GRM3: variants seen among roughly 807,000 people sequenced by gnomAD.
GRM3 encodes the protein glutamate metabotropic receptor 3.
GRM3 carries 26 observed loss-of-function variants against 70.5 expected under a neutral mutation model. The ratio of observed to expected loss-of-function variants is 0.37; its 90% CI spans 0.27 to 0.51. GRM3 has a LOEUF of 0.51. GRM3 is among the 20% of genes least tolerant of loss of function. GRM3 has a pLI of 0.93. For missense variants in GRM3, 859 were observed against 1,123.8 expected (o/e 0.76, Z 3.37); for synonymous variants, 443 against 434.9 (o/e 1.02, Z -0.23).
At chr7:86,833,699 T>G (rs1798401398) in intron 3 of GRM3, among the ~76,000 whole-genome samples, 1 of 152,230 alleles carries the variant, frequency 6.6e-6, no homozygotes, top group African/African-American at 2.4e-5. Flanking sequence ...GTGGAATATT[T>G]GACATATGTG....
chr7:86,652,087 T>TA (rs1305648196), intron 1 of GRM3, among the ~76,000 whole-genome samples: 2 of 152,324 alleles, frequency 1.3e-5, no homozygotes, highest in East Asian at 3.9e-4. Flanking sequence ...CGACCTTGTC[T>TA]AAGACAAGCC....
At chr7:86,691,934 T>C (rs1292225677) in intron 1 of GRM3, among the ~76,000 whole-genome samples, 3 of 152,168 alleles carry the variant, frequency 2.0e-5, no homozygotes, top group Non-Finnish European at 4.4e-5. Context: ...AGAGACAAAC[T>C]GATTAATGTC....
At chr7:86,730,800 G>C (rs1024635200) in intron 1 of GRM3, among the ~76,000 whole-genome samples, 5 of 152,158 alleles carry the variant, frequency 3.3e-5, no homozygotes, top group African/African-American at 1.2e-4. Flanking sequence ...CAGGGAAAAG[G>C]AAACTTTGAG....
chr7:86,801,130 G>A (rs1281670346), intron 3 of GRM3, among the ~76,000 whole-genome samples: 1 of 141,462 alleles, frequency 7.1e-6, no homozygotes, highest in Non-Finnish European at 1.5e-5. Flanking sequence ...GAGTGCAGTG[G>A]CATGATCTCA....
intron 2 of GRM3, among the ~76,000 whole-genome samples, chr7:86,775,779 T>C (rs952232175): frequency 6.6e-6 from 1 of 152,042 alleles, no homozygotes; most frequent in African/African-American, 2.4e-5. Context: ...GTGTTCTCTC[T>C]TCTATGTAAA....
Position 86,805,716 on chromosome 7 carries a change from T to C in GRM3, c.1324+18600T>C, listed in dbSNP as rs10216135. Among the ~76,000 whole-genome samples the C allele has an allele frequency of 4.1e-3, 628 of 152,286 alleles. 6 individuals carry two copies. The highest frequency in any genetic ancestry group is 0.014 in the African/African-American group (602 of 41,560). On this transcript the variant is annotated intron_variant, in intron 3 of 5. Coordinates refer to ENST00000361669, the MANE Select transcript of GRM3 (RefSeq NM_000840.3). ...CCTTTTCAAGTTTGCTTCTTTCAAT[T>C]AGCAATATGCATTTAAGATTGCATC...
At chr7:86,861,813 G>A (rs1004870494) in intron 5 of GRM3, among the ~76,000 whole-genome samples, 1 of 152,234 alleles carries the variant, frequency 6.6e-6, no homozygotes, top group African/African-American at 2.4e-5. Flanking sequence ...AAGTGCATAT[G>A]TAGGTGACTT....
At position 86,649,523 on chromosome 7, in the gene GRM3, A is replaced by G. The variant is rs140060405; in HGVS notation, c.-141+4651A>G. Among the ~76,000 whole-genome samples, 46 of 152,240 alleles carry G rather than the reference A, an allele frequency of 3.0e-4. No homozygotes were observed. The East Asian group carries it at 8.9e-3, about 29-fold the overall frequency. On this transcript the variant is annotated intron_variant, in intron 1 of 5. Transcript: ENST00000361669. ...AGAAGGCACCTCCACAAAAAGCCCAAAGTAACTCTGATCTTTAATTTCTTA... is the reference window on the plus strand; with the variant it reads ...AGAAGGCACCTCCACAAAAAGCCCAGAGTAACTCTGATCTTTAATTTCTTA...
chr7:86,779,523 T>C (rs977630972), intron 2 of GRM3, among the ~76,000 whole-genome samples: 2 of 152,210 alleles, frequency 1.3e-5, no homozygotes, highest in East Asian at 3.9e-4. Flanking sequence ...ACAAATATTA[T>C]AGAGCACCTC....
intron 3 of GRM3, among the ~76,000 whole-genome samples, chr7:86,813,367 A>C (rs180977057): frequency 1.6e-4 from 24 of 151,882 alleles, no homozygotes; most frequent in Admixed American, 1.1e-3. Flanking sequence ...TTAATCTCTC[A>C]ATCTGTTTAG....
chr7:86,833,394 GATAATA>G (rs113026975), intron 3 of GRM3, among the ~76,000 whole-genome samples: 13 of 149,848 alleles, frequency 8.7e-5, no homozygotes, highest in East Asian at 1.9e-4. Context: ...CTTAAAGTAT[GATAATA>G]ATAATAATAA....
At chr7:86,783,437 T>G (rs559784927) in intron 2 of GRM3, among the ~76,000 whole-genome samples, 1 of 152,334 alleles carries the variant, frequency 6.6e-6, no homozygotes, top group South Asian at 2.1e-4. Context: ...AGCAGAACTG[T>G]TTTTGCATAT....
At chr7:86,817,915 G>C (rs1245478981) in intron 3 of GRM3, among the ~76,000 whole-genome samples, 1 of 151,992 alleles carries the variant, frequency 6.6e-6, no homozygotes, top group East Asian at 1.9e-4. Context: ...GAGGCAGAAA[G>C]AGAATTTGAA....
At chr7:86,815,265 C>T (rs192662974) in intron 3 of GRM3, among the ~76,000 whole-genome samples, 1 of 151,828 alleles carries the variant, frequency 6.6e-6, no homozygotes, top group East Asian at 1.9e-4. Context: ...CTTTAGAAAC[C>T]TCATGAGGAC....
In GRM3 at chr7:86,786,728, C is replaced by T. The variant is rs1442146765; in HGVS notation, c.936C>T (p.Gly312=). 6.2e-7 allele frequency: 1 copy of T among 1,613,324 alleles called. No individual in the cohort carries two copies. Among genetic ancestry groups the T allele is most frequent in the Admixed American group, 1.7e-5 (1 of 60,032 alleles). ...GWGAQESIIK[G]SEHVAYGAIT... ...GCGCGCAGGAGAGCATCATCAAGGG[C>T]AGCGAGCATGTGGCCTACGGCGCCA... The change falls in exon 3 of 6, where the codon GGC becomes GGT. Residue 312 remains glycine (G), a synonymous_variant. Coordinates refer to ENST00000361669, the MANE Select transcript of GRM3 (RefSeq NM_000840.3). This position sits in a 1 kb window ranked among gnomAD's most constrained non-coding sequence, Gnocchi z 6.0.
At chr7:86,822,157 A>C (rs1334867133) in intron 3 of GRM3, among the ~76,000 whole-genome samples, 1 of 152,036 alleles carries the variant, frequency 6.6e-6, no homozygotes, top group African/African-American at 2.4e-5. Context: ...TATTTTACTA[A>C]AGCACACTAA....
rs537858912 is a variant in GRM3 at position 86,703,975 on chromosome 7, C to G, written c.-141+59103C>G. ...AAGCCCATTAAAGTTTCAGATATGC[C>G]TGTATTAATAAAGTTGTTTAATCCC... On this transcript the variant is annotated intron_variant, in intron 1 of 5. Coordinates refer to ENST00000361669, the MANE Select transcript of GRM3 (RefSeq NM_000840.3). 2.6e-5 allele frequency among the ~76,000 whole-genome samples: 4 copies of G among 152,000 alleles called. No homozygotes were observed. The East Asian group carries it at 7.8e-4, about 29-fold the overall frequency.
At chr7:86,665,557 G>A (rs993353605) in intron 1 of GRM3, among the ~76,000 whole-genome samples, 12 of 151,556 alleles carry the variant, frequency 7.9e-5, no homozygotes, top group South Asian at 2.1e-4. Flanking sequence ...TCATAATCCC[G>A]TCTGCATGTT....
Position 86,770,284 on chromosome 7 carries a change from A to T in GRM3, c.468+4671A>T, listed in dbSNP as rs537486188. On this transcript the variant is annotated intron_variant, in intron 2 of 5. Transcript: ENST00000361669. ...AGGAACAAATGAAGATTTGGCTTAG[A>T]TGGCATGTAAAAGTTAAGCTCATAG... 5.3e-5 allele frequency among the ~76,000 whole-genome samples: 8 copies of T among 152,260 alleles called. No homozygotes were observed. In the South Asian group the frequency reaches 1.7e-3, roughly 32 times the overall value.
Sources: allele counts gnomAD v4.1 joint callset (sites outside exome capture counted in the v4.1 genomes callset), GRCh38; gene constraint gnomAD v4.1.1; non-coding constraint Gnocchi (gnomAD v3.1); transcripts MANE v1.5; gene names NCBI Gene and HGNC (gene_info 2026-07-23, HGNC 2026-07-21).